Variants in ASAH2 observed in about 807,000 individuals in gnomAD.
The protein encoded by ASAH2 is neutral ceramidase.
A neutral mutation model predicts 82.9 loss-of-function variants in ASAH2; 58 were observed. The observed-to-expected ratio is 0.70, with a 90% CI of 0.57 to 0.87. The LOEUF (loss-of-function observed/expected upper bound fraction) is 0.87. Ranked by LOEUF, ASAH2 falls within the 40% of genes least tolerant of loss-of-function variation. The pLI is 0.00. For missense variants in ASAH2, 779 were observed against 834.0 expected (o/e 0.93, Z 0.81); for synonymous variants, 276 against 289.7 (o/e 0.95, Z 0.48).
Position 50,218,616 on chromosome 10 carries a change from T to C in ASAH2, c.908A>G (p.His303Arg). The stretch of plus-strand genomic sequence containing the variant: ...GTTACTGTTGTTCATGCTGACCGGG[T>C]GGATGGCAAACCAGCTGTAAAAGAG... Reference protein sequence around the residue: ...DLGLISWFAIHPVSMNNSNHL... With the variant: ...DLGLISWFAIRPVSMNNSNHL... Residue 303 changes from histidine to arginine, a missense_variant, in exon 8 of 21, where the codon CAC (histidine) becomes CGC (arginine). This residue lies in a region of ASAH2 where 759 missense variants were observed against 755.2 expected (regional missense o/e 1.00). Transcript: ENST00000682911. 6 of 1,613,770 alleles carry C rather than the reference T, an allele frequency of 3.7e-6. No individual in the cohort carries two copies. The highest frequency in any genetic ancestry group is 5.1e-6 in the Non-Finnish European group (6 of 1,179,738).
intron 7 of ASAH2, 110 bp downstream of exon 7, chr10:50,233,074 C>A: frequency 1.1e-6 from 1 of 923,038 alleles, no homozygotes; most frequent in Non-Finnish European, 1.8e-6. Context: ...GGACTCTTAA[C>A]CACACAACTT....
At chr10:50,194,175 T>C (rs1844914114) in intron 18 of ASAH2, among the ~76,000 whole-genome samples, 1 of 151,302 alleles carries the variant, frequency 6.6e-6, no homozygotes, top group South Asian at 2.1e-4. Context: ...TTGAAAGCAC[T>C]ATTGCCCCAA....
intron 8 of ASAH2, among the ~76,000 whole-genome samples, chr10:50,216,197 C>A (rs2842112): frequency 1.3e-5 from 2 of 151,458 alleles, no homozygotes; most frequent in African/African-American, 2.4e-5. Context: ...AGGAGAAATA[C>A]CTAAGGTAGA....
chr10:50,235,077 C>A (rs951188258), intron 5 of ASAH2, among the ~76,000 whole-genome samples: 137 of 152,100 alleles, frequency 9.0e-4, no homozygotes, highest in African/African-American at 3.2e-3. Context: ...GCAAACTATA[C>A]CCTGACTGTG....
chr10:50,212,953 A>G lies in ASAH2; in HGVS notation c.1227+19T>C. On this transcript the variant is annotated intron_variant, in intron 10 of 20. Transcript: ENST00000682911. The stretch of plus-strand genomic sequence containing the variant: ...GACAATTTTAAACAAAGATTAAAGG[A>G]GCGAGGCCCATGGCTTACCTTTGCT... 6.2e-7 allele frequency: 1 copy of G among 1,605,438 alleles called. No individual in the cohort carries two copies. The highest frequency in any genetic ancestry group is 8.5e-7 in the Non-Finnish European group (1 of 1,172,178).
intron 6 of ASAH2, 151 bp downstream of exon 6, chr10:50,234,274 G>GT (rs1846090022): frequency 8.8e-7 from 1 of 1,132,716 alleles, no homozygotes; most frequent in Non-Finnish European, 1.3e-6. Flanking sequence ...GTTTCTGCTT[G>GT]TTTTAGATTA....
rs1240881259 is a variant in ASAH2, at chr10:50,204,969, A to T, written c.1531-14T>A. 6.3e-7 allele frequency: 1 copy of T among 1,576,870 alleles called. No homozygotes were observed. The highest frequency in any genetic ancestry group is 8.7e-7 in the Non-Finnish European group (1 of 1,154,508). On this transcript the variant is annotated splice_polypyrimidine_tract_variant and intron_variant, in intron 13 of 20. Transcript: ENST00000682911. The stretch of plus-strand genomic sequence containing the variant: ...AGGTTTTGATAGCTGAGAACCCAAA[A>T]CAAGAAAATTATGTTAGGGATAACA...
chr10:50,219,392 G>T (rs1455765973), intron 7 of ASAH2, among the ~76,000 whole-genome samples: 1 of 152,086 alleles, frequency 6.6e-6, no homozygotes. Context: ...GCAAAATAAT[G>T]GTCCACTGTT....
chr10:50,248,617 T>C lies in ASAH2; in HGVS notation c.-7A>G. 1 of 1,612,690 alleles carries C rather than the reference T, an allele frequency of 6.2e-7. No homozygotes were observed. On this transcript the variant is annotated 5_prime_UTR_variant, in exon 2 of 21. Transcript: ENST00000682911. Reference sequence around the variant, plus strand: ...AGAAGGTGCGTTTGGCCATTTCTTCTCAGGTACAGCAGAGATGGAAGAAGA... The same window carrying C: ...AGAAGGTGCGTTTGGCCATTTCTTCCCAGGTACAGCAGAGATGGAAGAAGA...
rs1845284222 is a variant in ASAH2 at position 50,206,000 on chromosome 10, G to A, written c.1512C>T (p.Ile504=). 19 of 1,611,950 alleles carry A rather than the reference G, an allele frequency of 1.2e-5. No homozygotes were observed. Among genetic ancestry groups the A allele is most frequent in the South Asian group, 3.3e-5 (3 of 91,034 alleles). Residue 504 remains isoleucine (I), a synonymous_variant, in exon 13 of 21, where the codon ATC becomes ATT. Transcript: ENST00000682911. ...EIKECHKPKP[I]LLHTGELSKP... is the part of the protein sequence containing the mutation. ...GCATTACTTCTCCGGTGTGAAGAAG[G>A]ATGGGCTTTGGTTTATGACATTCTT...
chr10:50,209,932 C>T (rs1026236378), intron 12 of ASAH2, among the ~76,000 whole-genome samples: 135 of 152,076 alleles, frequency 8.9e-4, no homozygotes, highest in Non-Finnish European at 1.5e-3. Context: ...CTATACACTG[C>T]CTGTGGAAAT....
At chr10:50,224,838 A>G (rs1357988938) in intron 7 of ASAH2, among the ~76,000 whole-genome samples, 5 of 152,176 alleles carry the variant, frequency 3.3e-5, no homozygotes, top group East Asian at 1.9e-4. Flanking sequence ...ATTGTCTTAT[A>G]CTGGAAGGAT....
At chr10:50,221,200 T>A (rs956994408) in intron 7 of ASAH2, among the ~76,000 whole-genome samples, 4 of 152,172 alleles carry the variant, frequency 2.6e-5, no homozygotes, top group Admixed American at 2.6e-4. Context: ...TGTGTGTGGT[T>A]TTGTCTCTTT....
rs1715732097 is a variant in ASAH2 at position 50,235,876 on chromosome 10, C to G, written c.687+12G>C. The G allele has an allele frequency of 6.2e-7, 1 of 1,612,792 alleles. No individual in the cohort carries two copies. Among genetic ancestry groups the G allele is most frequent in the East Asian group, 2.2e-5 (1 of 44,876 alleles). ...TGGTAAAGAACAGCTGCCTCTGGGG[C>G]TCTTTGCCTACCTTCAAGATACCAG... On this transcript the variant is annotated intron_variant, in intron 5 of 20. Transcript: ENST00000682911.
At chr10:50,242,217 T>A (rs12241330) in intron 4 of ASAH2, among the ~76,000 whole-genome samples, 1 of 151,726 alleles carries the variant, frequency 6.6e-6, no homozygotes, top group African/African-American at 2.4e-5. Flanking sequence ...AGTGCAGAAG[T>A]GGGGAAAACA....
At chr10:50,202,612 T>C (rs1845181802) in intron 16 of ASAH2, among the ~76,000 whole-genome samples, 2 of 152,210 alleles carry the variant, frequency 1.3e-5, no homozygotes, top group South Asian at 4.1e-4. Context: ...AGGGAAAATG[T>C]AAGTCAGTAA....
intron 2 of ASAH2, among the ~76,000 whole-genome samples, chr10:50,245,663 A>T (rs1334685171): frequency 6.6e-6 from 1 of 152,182 alleles, no homozygotes; most frequent in Non-Finnish European, 1.5e-5. Context: ...CTAACAATCA[A>T]GGCCTCTGTC....
chr10:50,224,587 AAGGTGGGGCGTGT>A (rs1845833556), intron 7 of ASAH2, among the ~76,000 whole-genome samples: 118 of 152,240 alleles, frequency 7.8e-4, no homozygotes, highest in African/African-American at 2.8e-3. Context: ...TCTCATTTGC[AAGGTGGGGCGTGT>A]GAATACCTCT....
At chr10:50,236,214 G>C (rs1419944709) in intron 4 of ASAH2, 150 bp from the exon 5 acceptor site, 6 of 737,658 alleles carry the variant, frequency 8.1e-6, no homozygotes, top group South Asian at 1.7e-5. Context: ...ACCTAAGACT[G>C]AGTAATTTAT....
Sources: allele counts gnomAD v4.1 joint callset (sites outside exome capture counted in the v4.1 genomes callset), GRCh38; gene constraint gnomAD v4.1.1; regional missense constraint gnomAD v4.1.1; transcripts MANE v1.5; gene names NCBI Gene and HGNC (gene_info 2026-07-23, HGNC 2026-07-21).